Variants in FCHSD2 observed in about 807,000 individuals in gnomAD.
The protein encoded by FCHSD2 is FCH and double SH3 domains 2.
In FCHSD2, 38 loss-of-function variants were observed where a neutral mutation model predicts 108.1. That is an observed-to-expected ratio of 0.35 (90% confidence interval 0.27 to 0.46). FCHSD2 has a LOEUF of 0.46. FCHSD2 is among the 20% of genes least tolerant of loss of function. The pLI is 1.00. For missense variants in FCHSD2, 751 were observed against 897.8 expected (o/e 0.84, Z 2.09); for synonymous variants, 279 against 314.7 (o/e 0.89, Z 1.20).
At chr11:72,958,868 T>C (rs377180154) in intron 8 of FCHSD2, among the ~76,000 whole-genome samples, 26 of 152,318 alleles carry the variant, frequency 1.7e-4, no homozygotes, top group African/African-American at 5.3e-4. Context: ...AAGGACATTC[T>C]AGTCTGCCAA....
At chr11:73,061,134 T>C (rs1206269580) in intron 3 of FCHSD2, among the ~76,000 whole-genome samples, 1 of 152,142 alleles carries the variant, frequency 6.6e-6, no homozygotes, top group East Asian at 1.9e-4. Context: ...TTGGGACTGG[T>C]TGGACAGTGG....
chr11:73,133,976 C>T (rs1382633988), intron 2 of FCHSD2, among the ~76,000 whole-genome samples: 2 of 151,034 alleles, frequency 1.3e-5, no homozygotes, highest in Non-Finnish European at 2.9e-5. Flanking sequence ...ATTGGCGTGA[C>T]GATTGTACAA....
chr11:73,004,692 C>T (rs981240643), intron 4 of FCHSD2, among the ~76,000 whole-genome samples: 1 of 152,206 alleles, frequency 6.6e-6, no homozygotes, highest in African/African-American at 2.4e-5. Flanking sequence ...GTTTACATCA[C>T]ATCAAAGTAT....
At chr11:72,928,977 G>GT (rs1856134710) in intron 8 of FCHSD2, among the ~76,000 whole-genome samples, 1 of 151,994 alleles carries the variant, frequency 6.6e-6, no homozygotes, top group African/African-American at 2.4e-5. Flanking sequence ...GCGGTGTTTG[G>GT]TTTTTTGTCC....
chr11:73,141,926 C>CAGG lies in FCHSD2; in HGVS notation c.-52_-50dup. On this transcript the variant is annotated 5_prime_UTR_variant, in exon 1 of 20. Coordinates refer to ENST00000409418, the MANE Select transcript of FCHSD2 (RefSeq NM_014824.3). ...CCCCGACGGCAGCGTTAGCAAGGACCAGGAGGAGGAGGAGGGCCGGAGAGG... is the reference window on the plus strand; with the variant it reads ...CCCCGACGGCAGCGTTAGCAAGGACCAGGAGGAGGAGGAGGAGGGCCGGAGAGG... 2 of 1,530,530 alleles carry CAGG rather than the reference C, an allele frequency of 1.3e-6. No homozygotes were observed. Among genetic ancestry groups the CAGG allele is most frequent in the South Asian group, 1.2e-5 (1 of 83,420 alleles). 94.8% of individuals were successfully genotyped at this position (1,530,530 alleles called of 1,614,324 possible). A position where few individuals can be genotyped will look rare whatever the true frequency, so the allele number is the denominator to read the frequency against.
intron 3 of FCHSD2, among the ~76,000 whole-genome samples, chr11:73,077,280 T>C (rs1170414881): frequency 6.6e-6 from 1 of 151,932 alleles, no homozygotes; most frequent in Non-Finnish European, 1.5e-5. Flanking sequence ...CCACAGAATA[T>C]ATACAGATGG....
At chr11:72,910,763 T>C (rs976793186) in intron 9 of FCHSD2, among the ~76,000 whole-genome samples, 1 of 148,576 alleles carries the variant, frequency 6.7e-6, no homozygotes, top group East Asian at 2.0e-4. Context: ...TTCTCTCCAC[T>C]ATTATCCTAT....
Position 72,989,044 on chromosome 11 carries a change from A to T in FCHSD2, c.441T>A (p.Asp147Glu). 1 of 1,610,182 alleles carries T rather than the reference A, an allele frequency of 6.2e-7. No homozygotes were observed. The highest frequency in any genetic ancestry group is 1.3e-5 in the African/African-American group (1 of 74,992). The change falls in exon 6 of 20, where the codon GAT becomes GAA. Residue 147 changes from aspartate (D) to glutamate (E), a missense_variant. Asp to Glu is a conservative substitution (Grantham distance 45). Transcript: ENST00000409418. ...IQTELQETVK[D>E]LAKGKKKYFE... ...AGTATTTCTTTTTGCCTTTAGCTAA[A>T]TCTTTCACTGTCTCTTGTAATTCAG...
chr11:73,010,261 T>A (rs1195009174), intron 4 of FCHSD2, among the ~76,000 whole-genome samples: 1 of 152,222 alleles, frequency 6.6e-6, no homozygotes, highest in Non-Finnish European at 1.5e-5. Context: ...TTCTTTTTTA[T>A]ATCTCTCTTT....
intron 12 of FCHSD2, among the ~76,000 whole-genome samples, chr11:72,868,884 C>T (rs1209142056): frequency 2.0e-5 from 3 of 151,758 alleles, no homozygotes; most frequent in Non-Finnish European, 4.4e-5. Context: ...TTAGCTTTTA[C>T]TTTTTAAGTT....
chr11:73,097,538 G>A (rs1565408919), intron 2 of FCHSD2, among the ~76,000 whole-genome samples: 3 of 150,358 alleles, frequency 2.0e-5, no homozygotes, highest in African/African-American at 2.4e-5. Flanking sequence ...TAGTAGGATT[G>A]GTGTTAATTC....
At chr11:73,097,146 G>A (rs1240582701) in intron 2 of FCHSD2, among the ~76,000 whole-genome samples, 1 of 150,866 alleles carries the variant, frequency 6.6e-6, no homozygotes, top group African/African-American at 2.4e-5. Context: ...AGAACTACAG[G>A]TATGCACCAC....
intron 12 of FCHSD2, among the ~76,000 whole-genome samples, chr11:72,885,059 A>G (rs1855168178): frequency 6.6e-6 from 1 of 152,230 alleles, no homozygotes; most frequent in South Asian, 2.1e-4. Context: ...GGCAGAAGAA[A>G]GGAAAAGGGT....
At chr11:72,860,141 G>A (rs1268702163) in intron 13 of FCHSD2, among the ~76,000 whole-genome samples, 1 of 152,174 alleles carries the variant, frequency 6.6e-6, no homozygotes, top group Non-Finnish European at 1.5e-5. Flanking sequence ...CTGCTGGTCT[G>A]ACAGGACGCA....
At chr11:72,928,488 C>T (rs1355860131) in intron 8 of FCHSD2, among the ~76,000 whole-genome samples, 2 of 152,160 alleles carry the variant, frequency 1.3e-5, no homozygotes, top group African/African-American at 4.8e-5. Context: ...TGTCCTTCCC[C>T]CCTTCTCTTC....
At position 72,913,614 on chromosome 11, in the gene FCHSD2, T is replaced by G. The variant is rs149611292; in HGVS notation, c.828+8214A>C. 5.2e-3 allele frequency among the ~76,000 whole-genome samples: 787 copies of G among 152,334 alleles called. 5 individuals are homozygous for G. The highest frequency in any genetic ancestry group is 0.018 in the African/African-American group (765 of 41,584). On this transcript the variant is annotated intron_variant, in intron 9 of 19. Transcript: ENST00000409418. ...GGTTTTCCAATTTATTGGCATATAT[T>G]GTTCACAGTAGCCTCTAATGGTCCT...
At chr11:72,924,679 CTTTTTT>C (rs200855476) in intron 8 of FCHSD2, among the ~76,000 whole-genome samples, 2 of 138,460 alleles carry the variant, frequency 1.4e-5, no homozygotes, top group Admixed American at 1.5e-4. Flanking sequence ...TTCCATTAAA[CTTTTTT>C]TTTTTTTTTT....
In FCHSD2 at chr11:72,849,860, G is replaced by A. The variant is rs781657352; in HGVS notation, c.1338C>T (p.Gly446=). ...CATCCATGTTATCTTCAAACTCTTCGCCTTCTTCTCTTTCGGTATCTGCAT... is the reference window on the plus strand; with the variant it reads ...CATCCATGTTATCTTCAAACTCTTCACCTTCTTCTCTTTCGGTATCTGCAT... ...SLNADTEREE[G]EEFEDNMDVF... is the part of the protein sequence containing the mutation. Residue 446 remains glycine (G), a synonymous_variant, in exon 14 of 20, where the codon GGC becomes GGT. Coordinates refer to ENST00000409418, the MANE Select transcript of FCHSD2 (RefSeq NM_014824.3). 1.1e-5 allele frequency: 18 copies of A among 1,613,016 alleles called. No homozygotes were observed. Among genetic ancestry groups the A allele is most frequent in the African/African-American group, 2.7e-5 (2 of 74,884 alleles).
chr11:72,971,200 T>C (rs1857000841), intron 8 of FCHSD2, among the ~76,000 whole-genome samples: 1 of 152,162 alleles, frequency 6.6e-6, no homozygotes. Flanking sequence ...CAATCATATG[T>C]TTATATATTA....
Sources: gnomAD v4.1 joint callset for allele counts (sites outside exome capture counted in the v4.1 genomes callset) on GRCh38, gnomAD v4.1.1 for gene constraint, MANE v1.5 for transcripts, NCBI Gene and HGNC (gene_info 2026-07-23, HGNC 2026-07-21) for gene names.